RMND1: variants seen among roughly 807,000 people sequenced by gnomAD.
The protein encoded by RMND1 is required for meiotic nuclear division 1 homolog.
RMND1 carries 41 observed loss-of-function variants against 54.0 expected under a neutral mutation model. That is an observed-to-expected ratio of 0.76 (90% CI 0.59 to 0.98). RMND1 has a LOEUF of 0.98. Among genes scored for constraint, RMND1 ranks in the 50% least tolerant of loss-of-function variants. RMND1 has a pLI of 0.00. For synonymous variants in RMND1, 183 were observed against 181.7 expected, an observed-to-expected ratio of 1.01 and a Z score of -0.06; for missense variants, 457 against 532.0, an observed-to-expected ratio of 0.86 and a Z score of 1.39.
rs573357418 is a variant in RMND1, at chr6:151,450,191, T to C, written c.-15+1825A>G. Among the ~76,000 whole-genome samples the C allele has an allele frequency of 4.2e-3, 589 of 139,380 alleles. 2 individuals carry two copies. The highest frequency in any genetic ancestry group is 8.3e-3 in the Admixed American group (118 of 14,232). 91.4% of individuals were successfully genotyped at this position (139,380 alleles called of 152,430 possible). ...GCACCTCTTCCCGGCCGCCATCCCA[T>C]CTAGGAAGTGAGGGGAGTCTCTGCC... is the stretch of plus-strand genomic sequence containing the variant. On this transcript the variant is annotated intron_variant, in intron 1 of 11. Transcript: ENST00000444024.
intron 6 of RMND1, among the ~76,000 whole-genome samples, chr6:151,425,621 A>G (rs1780273958): frequency 6.6e-6 from 1 of 152,192 alleles, no homozygotes; most frequent in South Asian, 2.1e-4. Flanking sequence ...TAAAGATAAT[A>G]AAACTACAGG....
rs1289613366 is a variant in RMND1, at chr6:151,444,187, T to C, written c.504+1121A>G. Among the ~76,000 whole-genome samples, 7 of 152,224 alleles carry C rather than the reference T, an allele frequency of 4.6e-5. No individual in the cohort carries two copies. In the South Asian group the frequency reaches 1.2e-3, roughly 27 times the overall value. ...GCACTGTGCTGCTAGACGTTACAAA[T>C]GAACAAAGTGAGTTGAGCTTTCTCT... On this transcript the variant is annotated intron_variant, in intron 2 of 11. Transcript: ENST00000444024.
rs371455244 is a variant in RMND1, at chr6:151,405,431, A to C, written c.1318-164T>G. Among the ~76,000 whole-genome samples, 28 of 152,312 alleles carry C rather than the reference A, an allele frequency of 1.8e-4. 1 individual carries two copies. Among genetic ancestry groups the C allele is most frequent in the African/African-American group, 6.5e-4 (27 of 41,562 alleles). On this transcript the variant is annotated intron_variant, in intron 11 of 11. Transcript: ENST00000444024. ...ATTGGAGGTACGGGTGCTTGATTTG[A>C]TGTTGAGCTGTACATTATAAATTTA...
At chr6:151,420,038 T>C (rs994225296) in intron 9 of RMND1, among the ~76,000 whole-genome samples, 3 of 152,194 alleles carry the variant, frequency 2.0e-5, no homozygotes, top group African/African-American at 7.2e-5. Context: ...ATTCCTTATA[T>C]TAACAAATAA....
At chr6:151,444,023 T>C (rs1284394863) in intron 2 of RMND1, among the ~76,000 whole-genome samples, 1 of 152,208 alleles carries the variant, frequency 6.6e-6, no homozygotes, top group African/African-American at 2.4e-5. Flanking sequence ...TCAAATTCTT[T>C]CCTGGAAGGA....
Position 151,422,551 on chromosome 6 carries a change from G to T in RMND1, c.992C>A (p.Ser331Ter). The T allele has an allele frequency of 6.6e-7, 1 of 1,510,488 alleles. No homozygotes were observed. Among genetic ancestry groups the T allele is most frequent in the South Asian group, 1.3e-5 (1 of 78,624 alleles). The allele number at this position is 1,510,488 out of a possible 1,614,324, so 93.6% of individuals were successfully genotyped here. Residue 331 changes from serine (S) to a stop codon, truncating the protein, a stop_gained, in exon 8 of 12, where the codon TCA becomes TAA. Coordinates refer to ENST00000444024, the MANE Select transcript of RMND1 (RefSeq NM_017909.4). LOFTEE classifies it high-confidence loss of function. ...SLDKFIESIQ[S>*]IPEALKAGKK... ...AATTGATATAATTACCTCAGGAATT[G>T]ACTGAATAGATTCAATAAATTTATC...
At chr6:151,436,069 C>T (rs1490975066) in intron 3 of RMND1, among the ~76,000 whole-genome samples, 1 of 150,426 alleles carries the variant, frequency 6.6e-6, no homozygotes, top group African/African-American at 2.4e-5. Context: ...CGCGCCATTG[C>T]ACTCCAGCCT....
rs9397406 is a variant in RMND1, at chr6:151,423,676, C to G, written c.831-45G>C. 3.0e-6 allele frequency: 4 copies of G among 1,326,186 alleles called. No homozygotes were observed. In the South Asian group the frequency reaches 4.7e-5, roughly 16 times the overall value. The allele number at this position is 1,326,186 out of a possible 1,614,324, so 82.2% of individuals were successfully genotyped here. A position where few individuals can be genotyped will look rare whatever the true frequency, so the allele number is the denominator to read the frequency against. On this transcript the variant is annotated intron_variant, in intron 6 of 11. Transcript: ENST00000444024. The stretch of plus-strand genomic sequence containing the variant: ...AATACCTTCTAAATCTTAAAAAGCA[C>G]TTTAACTTTTCCTTTGAAAAAGACA...
In RMND1 at chr6:151,417,350, A is replaced by G. The variant is rs1186727694; in HGVS notation, c.1129T>C (p.Trp377Arg). 3 of 1,613,234 alleles carry G rather than the reference A, an allele frequency of 1.9e-6. No homozygotes were observed. The highest frequency in any genetic ancestry group is 2.5e-6 in the Non-Finnish European group (3 of 1,179,462). The change falls in exon 10 of 12, where the codon TGG (tryptophan) becomes CGG (arginine). Residue 377 changes from tryptophan to arginine, a missense_variant. Physicochemically the swap from Trp to Arg is moderately radical, Grantham distance 101. Coordinates refer to ENST00000444024, the MANE Select transcript of RMND1 (RefSeq NM_017909.4). Reference protein sequence around the residue: ...SDFLITPDFYWDRENLEGLYD... With the variant: ...SDFLITPDFYRDRENLEGLYD... ...AGTCCTTCCAGGTTTTCTCTGTCCCAGTAGAAATCAGGAGTAATCAGGAAG... is the reference window on the plus strand; with the variant it reads ...AGTCCTTCCAGGTTTTCTCTGTCCCGGTAGAAATCAGGAGTAATCAGGAAG...
At chr6:151,433,107 C>T in intron 4 of RMND1, 48 bp downstream of exon 4, 2 of 1,220,842 alleles carry the variant, frequency 1.6e-6, no homozygotes, top group Non-Finnish European at 2.4e-6. Flanking sequence ...ACCACAATTA[C>T]TTGACCCAAA....
intron 1 of RMND1, among the ~76,000 whole-genome samples, chr6:151,449,303 A>G (rs1582974206): frequency 7.2e-6 from 1 of 138,042 alleles, no homozygotes; most frequent in South Asian, 2.6e-4. Flanking sequence ...CGGGAGGTGG[A>G]GGTTGCAGTG....
intron 1 of RMND1, among the ~76,000 whole-genome samples, chr6:151,450,405 G>GGA (rs1482336336): frequency 2.1e-5 from 3 of 146,104 alleles, no homozygotes; most frequent in African/African-American, 8.0e-5. Context: ...GAGGGAGGTG[G>GGA]GGGTCAGCCC....
At chr6:151,407,580 C>G (rs1382814257) in intron 10 of RMND1, among the ~76,000 whole-genome samples, 1 of 152,066 alleles carries the variant, frequency 6.6e-6, no homozygotes, top group East Asian at 1.9e-4. Context: ...GAACCTCAAT[C>G]CAAGCATCTG....
chr6:151,443,469 G>A (rs753488896), intron 2 of RMND1, among the ~76,000 whole-genome samples: 4 of 151,974 alleles, frequency 2.6e-5, no homozygotes, highest in Admixed American at 6.6e-5. Context: ...GCACCACTAC[G>A]CCTGGCTAAT....
chr6:151,407,326 C>A (rs1479740816), intron 10 of RMND1, among the ~76,000 whole-genome samples: 1 of 152,106 alleles, frequency 6.6e-6, no homozygotes, highest in Non-Finnish European at 1.5e-5. Context: ...TTTCCTCTTG[C>A]CCTTTCTTAA....
intron 4 of RMND1, 107 bp downstream of exon 4, chr6:151,433,048 C>T (rs868840902): frequency 1.0e-5 from 6 of 602,692 alleles, no homozygotes; most frequent in Middle Eastern, 2.6e-4. Flanking sequence ...ATCACAAATA[C>T]ATTTTGAACA....
At chr6:151,415,822 C>G (rs978326471) in intron 10 of RMND1, among the ~76,000 whole-genome samples, 2 of 147,374 alleles carry the variant, frequency 1.4e-5, no homozygotes, top group African/African-American at 5.0e-5. Context: ...AAGTCACATA[C>G]TGTATGACTA....
At chr6:151,415,607 A>G (rs910909431) in intron 10 of RMND1, among the ~76,000 whole-genome samples, 7 of 151,872 alleles carry the variant, frequency 4.6e-5, no homozygotes, top group Non-Finnish European at 8.8e-5. Context: ...GGCTAAACAC[A>G]GTGAAACCCC....
At chr6:151,422,684 T>G (rs755922537) in intron 7 of RMND1, 79 bp from the exon 8 acceptor site, 57 of 575,500 alleles carry the variant, frequency 9.9e-5, no homozygotes, top group Non-Finnish European at 1.6e-4. Flanking sequence ...GCACAGCATC[T>G]TCACTACTAT....
Sources: gnomAD v4.1 joint callset for allele counts (sites outside exome capture counted in the v4.1 genomes callset) on GRCh38, gnomAD v4.1.1 for gene constraint, MANE v1.5 for transcripts, NCBI Gene and HGNC (gene_info 2026-07-23, HGNC 2026-07-21) for gene names.